DMD: variants seen among roughly 807,000 people sequenced by gnomAD.
DMD encodes the protein dystrophin, also known as mutant dystrophin.
A neutral mutation model predicts 330.1 loss-of-function variants in DMD; 63 were observed. That is an observed-to-expected ratio of 0.19 (90% CI 0.16 to 0.24). The LOEUF is 0.24. Among genes scored for constraint, DMD ranks in the 10% least tolerant of loss-of-function variants. The pLI, the probability that DMD is intolerant of heterozygous loss-of-function variation, is 1.00. For synonymous variants in DMD, 1,223 were observed against 959.8 expected, an observed-to-expected ratio of 1.27 and a Z score of -5.07; for missense variants, 3,344 against 2,684.1, an observed-to-expected ratio of 1.25 and a Z score of -5.43.
intron 67 of DMD, among the ~76,000 whole-genome samples, chrX:31,190,966 C>A: frequency 9.0e-6 from 1 of 111,636 alleles, no homozygotes; most frequent in Non-Finnish European, 1.9e-5. Flanking sequence ...CACACTCGTT[C>A]ATAAACTGAG....
intron 42 of DMD, among the ~76,000 whole-genome samples, chrX:32,292,465 G>A (rs1180212163): frequency 7.5e-5 from 8 of 107,299 alleles, no homozygotes; most frequent in African/African-American, 2.7e-4. Context: ...CCACCACCAC[G>A]CCTGGCTAAT....
chrX:32,306,438 T>G (rs765338114), intron 42 of DMD, among the ~76,000 whole-genome samples: 1 of 111,024 alleles, frequency 9.0e-6, no homozygotes, highest in East Asian at 2.9e-4. Context: ...TATTTCTTGA[T>G]CCTATTTAAA....
At chrX:31,767,418 G>C (rs2090070132) in intron 51 of DMD, among the ~76,000 whole-genome samples, 1 of 87,599 alleles carries the variant, frequency 1.1e-5, no homozygotes, top group South Asian at 4.8e-4. Context: ...AAGAAGTTGA[G>C]GGGGGTGGCT....
intron 55 of DMD, among the ~76,000 whole-genome samples, chrX:31,553,640 C>T (rs1327709181): frequency 6.2e-5 from 7 of 112,214 alleles, no homozygotes; most frequent in Non-Finnish European, 1.3e-4. Flanking sequence ...AGTGTGTTAA[C>T]AATCATATAA....
At chrX:32,634,909 G>A (rs769050134) in intron 11 of DMD, among the ~76,000 whole-genome samples, 101 of 111,754 alleles carry the variant, frequency 9.0e-4, no homozygotes, top group Non-Finnish European at 1.2e-3. Context: ...ACAGCACCAG[G>A]ACTTGCAAAG....
intron 7 of DMD, among the ~76,000 whole-genome samples, chrX:32,809,101 G>A (rs1381215844): frequency 9.0e-6 from 1 of 111,725 alleles, no homozygotes; most frequent in Non-Finnish European, 1.9e-5. Context: ...CTTTTATAGA[G>A]TATATGAATG....
intron 54 of DMD, among the ~76,000 whole-genome samples, chrX:31,649,620 C>T (rs2080324927): frequency 9.2e-6 from 1 of 109,151 alleles, no homozygotes; most frequent in Non-Finnish European, 1.9e-5. Context: ...GCTCTGTCGC[C>T]CAGGCTGTAG....
intron 44 of DMD, among the ~76,000 whole-genome samples, chrX:32,153,524 T>A (rs12007900): frequency 0.022 from 2,403 of 109,354 alleles, 68 homozygotes; most frequent in African/African-American, 0.076. Flanking sequence ...AAAAAAAAAA[T>A]TTATAATCCA....
At chrX:32,754,858 G>A (rs909679771) in intron 7 of DMD, 2 of 111,502 alleles carry the variant, frequency 1.8e-5, no homozygotes, top group Non-Finnish European at 1.9e-5. Flanking sequence ...CACTATCATT[G>A]TGACTTCTGT....
intron 13 of DMD, among the ~76,000 whole-genome samples, chrX:32,589,137 G>C (rs1312631607): frequency 1.8e-5 from 2 of 111,622 alleles, no homozygotes; most frequent in Non-Finnish European, 1.9e-5. Flanking sequence ...CATCACAATA[G>C]TGTTCATGTG....
chrX:32,789,698 A>G (rs762676155), intron 7 of DMD, among the ~76,000 whole-genome samples: 5 of 111,719 alleles, frequency 4.5e-5, no homozygotes, highest in Non-Finnish European at 7.5e-5. Flanking sequence ...TTTATAAAAG[A>G]AGGATAAACT....
intron 1 of DMD, among the ~76,000 whole-genome samples, chrX:33,141,409 G>A (rs2094499321): frequency 9.0e-6 from 1 of 111,190 alleles, no homozygotes; most frequent in African/African-American, 3.3e-5. Context: ...CTGGTCAAAA[G>A]TTGTAAACGA....
intron 45 of DMD, among the ~76,000 whole-genome samples, chrX:31,966,709 T>G (rs1216232877): frequency 9.0e-6 from 1 of 111,061 alleles, no homozygotes; most frequent in Admixed American, 9.6e-5. Context: ...AGATCTAAAA[T>G]TTTAGAGCTT....
intron 1 of DMD, among the ~76,000 whole-genome samples, chrX:33,044,797 T>C (rs1418197234): frequency 8.9e-6 from 1 of 112,132 alleles, no homozygotes; most frequent in East Asian, 2.8e-4. Context: ...GACCTACTTC[T>C]CGTAAGGAAA....
chrX:32,854,238 G>A (rs2081363117), intron 2 of DMD, among the ~76,000 whole-genome samples: 1 of 111,419 alleles, frequency 9.0e-6, no homozygotes, highest in South Asian at 3.8e-4. Flanking sequence ...CAGCTGCAGA[G>A]TGTACATTCC....
intron 34 of DMD, among the ~76,000 whole-genome samples, chrX:32,375,370 C>A (rs775615345): frequency 6.2e-5 from 7 of 112,198 alleles, no homozygotes; most frequent in Non-Finnish European, 7.5e-5. Context: ...TTAGGCAAAC[C>A]GAATGAACAG....
intron 1 of DMD, among the ~76,000 whole-genome samples, chrX:33,219,862 T>C (rs2052139020): frequency 9.0e-6 from 1 of 111,262 alleles, no homozygotes; most frequent in Non-Finnish European, 1.9e-5. Flanking sequence ...GTAGGAAATA[T>C]AGGTAGCAGA....
At chrX:32,720,244 G>C (rs1392853724) in intron 7 of DMD, among the ~76,000 whole-genome samples, 2 of 110,650 alleles carry the variant, frequency 1.8e-5, no homozygotes, top group Non-Finnish European at 1.9e-5. Context: ...GAAACAATAT[G>C]AACTCCTAGA....
At chrX:31,177,474 AT>A (rs1337443094) in intron 71 of DMD, among the ~76,000 whole-genome samples, 2 of 111,726 alleles carry the variant, frequency 1.8e-5, no homozygotes, top group African/African-American at 6.5e-5. Flanking sequence ...TTTAAAACGA[AT>A]TCTGCTGATT....
Sources: gnomAD v4.1 joint callset for allele counts (sites outside exome capture counted in the v4.1 genomes callset) on GRCh38, gnomAD v4.1.1 for gene constraint, MANE v1.5 for transcripts, NCBI Gene and HGNC (gene_info 2026-07-23, HGNC 2026-07-21) for gene names.